Variants in CALR observed in about 807,000 individuals in gnomAD.
The protein encoded by CALR is CRP55.
A neutral mutation model predicts 51.1 loss-of-function variants in CALR; 15 were observed. The ratio of observed to expected loss-of-function variants is 0.29; its 90% confidence interval spans 0.20 to 0.45. CALR has a LOEUF of 0.45. CALR is among the 20% of genes least tolerant of loss of function. CALR has a pLI of 1.00. For missense variants in CALR, 477 were observed against 530.6 expected, an observed-to-expected ratio of 0.90 and a Z score of 0.99; for synonymous variants, 239 against 205.9, an observed-to-expected ratio of 1.16 and a Z score of -1.38.
chr19:12,943,330 C>A, intron 7 of CALR: 1 of 603,570 alleles, frequency 1.7e-6, no homozygotes, highest in Non-Finnish European at 3.0e-6. Context: ...GTGATCCGCC[C>A]ACCTTGGCCT....
chr19:12,940,747 G>A lies in CALR; in HGVS notation c.820G>A (p.Glu274Lys), dbSNP rs774414495. The part of the protein sequence containing the change: ...PVIQNPEYKG[E>K]WKPRQIDNPD... ...GGTTTCCTTCTCCCTTCTGCAGGGT[G>A]AGTGGAAGCCCCGGCAGATCGACAA... The change falls in exon 7 of 9, where the codon GAG becomes AAG. Residue 274 changes from glutamate (E) to lysine (K), a missense_variant. By Grantham distance (56) the Glu-to-Lys change is moderately conservative (BLOSUM62 1). Coordinates refer to ENST00000316448, the MANE Select transcript of CALR (RefSeq NM_004343.4). 5.6e-6 allele frequency: 9 copies of A among 1,614,050 alleles called. No homozygotes were observed. The highest frequency in any genetic ancestry group is 2.2e-5 in the South Asian group (2 of 91,084).
At position 12,940,135 on chromosome 19, in the gene CALR, C is replaced by T. The variant is rs747325472; in HGVS notation, c.480C>T (p.Asp160=). Residue 160 remains aspartate (D), a synonymous_variant, in exon 4 of 9, where the codon GAC becomes GAT. Transcript: ENST00000316448. ...YKGKNVLINK[D]IRCKDDEFTH... ...GCAAGAACGTGCTGATCAACAAGGA[C>T]ATCCGTTGCAAGGTGTGCCTGGGGG... The T allele has an allele frequency of 1.2e-6, 2 of 1,613,932 alleles. No individual in the cohort carries two copies. Among genetic ancestry groups the T allele is most frequent in the Non-Finnish European group, 1.7e-6 (2 of 1,179,774 alleles).
chr19:12,943,669 G>A (rs763664233), intron 8 of CALR, 40 bp downstream of exon 8: 1 of 1,614,156 alleles, frequency 6.2e-7, no homozygotes, highest in Non-Finnish European at 8.5e-7. Flanking sequence ...GGGCGGGCAG[G>A]GCTGGCAGGG....
In CALR at chr19:12,944,149, C is replaced by T; in HGVS notation, c.*236C>T. 3.1e-6 allele frequency: 2 copies of T among 636,460 alleles called. No individual in the cohort carries two copies. The highest frequency in any genetic ancestry group is 5.3e-6 in the Non-Finnish European group (2 of 380,902). 39.4% of individuals were successfully genotyped at this position (636,460 alleles called of 1,614,324 possible). Reference sequence around the variant, plus strand: ...TTTGATTCTCCTTCAGCCCTCACCCCTGGTTCTCATCTTTCTTGATCAACA... The same window carrying T: ...TTTGATTCTCCTTCAGCCCTCACCCTTGGTTCTCATCTTTCTTGATCAACA... On this transcript the variant is annotated 3_prime_UTR_variant, in exon 9 of 9. Coordinates refer to ENST00000316448, the MANE Select transcript of CALR (RefSeq NM_004343.4).
chr19:12,943,836 G>T lies in CALR; in HGVS notation c.1177G>T (p.Glu393Ter). The T allele has an allele frequency of 6.4e-7, 1 of 1,571,928 alleles. No individual in the cohort carries two copies. Among genetic ancestry groups the T allele is most frequent in the Non-Finnish European group, 8.6e-7 (1 of 1,159,464 alleles). ...EDKEDDEDKD[E>*]DEEDEEDKEE... Reference sequence around the variant, plus strand: ...CAAGGAGGATGATGAGGACAAAGATGAGGATGAGGAGGATGAGGAGGACAA... The same window carrying T: ...CAAGGAGGATGATGAGGACAAAGATTAGGATGAGGAGGATGAGGAGGACAA... Residue 393 changes from glutamate to a stop codon, truncating the protein, a stop_gained, in exon 9 of 9, where the codon GAG (glutamate) becomes TAG (stop). Coordinates refer to ENST00000316448, the MANE Select transcript of CALR (RefSeq NM_004343.4). LOFTEE classifies it high-confidence loss of function.
chr19:12,940,685 C>T (rs956599530), intron 6 of CALR, 31 bp downstream of exon 6: 5 of 1,613,898 alleles, frequency 3.1e-6, no homozygotes, highest in Non-Finnish European at 4.2e-6. Flanking sequence ...AGGGCTGGGG[C>T]TCACAGTGGG....
At position 12,940,903 on chromosome 19, in the gene CALR, A is replaced by G. The variant is rs375710146; in HGVS notation, c.960+16A>G. On this transcript the variant is annotated intron_variant, in intron 7 of 8. Coordinates refer to ENST00000316448, the MANE Select transcript of CALR (RefSeq NM_004343.4). ...CCTCTGGCAGGTGAGACTTGGAGGAAAAAGGAGGATCCCTGGGGTACCTCA... is the reference window on the plus strand; with the variant it reads ...CCTCTGGCAGGTGAGACTTGGAGGAGAAAGGAGGATCCCTGGGGTACCTCA... The G allele has an allele frequency of 3.1e-6, 5 of 1,613,736 alleles. No individual in the cohort carries two copies. The African/African-American group carries it at 6.7e-5, about 22-fold the overall frequency.
chr19:12,943,934 G>A lies in CALR; in HGVS notation c.*21G>A. The A allele has an allele frequency of 6.2e-7, 1 of 1,604,240 alleles. No homozygotes were observed. The highest frequency in any genetic ancestry group is 8.5e-7 in the Non-Finnish European group (1 of 1,176,728). On this transcript the variant is annotated 3_prime_UTR_variant, in exon 9 of 9. Coordinates refer to ENST00000316448, the MANE Select transcript of CALR (RefSeq NM_004343.4). ...TGTAGAGAGGCCTGCCTCCAGGGCT[G>A]GACTGAGGCCTGAGCGCTCCTGCCG...
At chr19:12,943,328 C>T in intron 7 of CALR, 1 of 600,632 alleles carries the variant, frequency 1.7e-6, no homozygotes, top group Non-Finnish European at 3.0e-6. Flanking sequence ...TCGTGATCCG[C>T]CCACCTTGGC....
At position 12,938,632 on chromosome 19, in the gene CALR, G is replaced by A. The variant is rs374628652; in HGVS notation, c.-48G>A. The stretch of plus-strand genomic sequence containing the variant: ...CCGTCCGTACTGCAGAGCCGCTGCC[G>A]GAGGGTCGTTTTAAAGGGCCCGCGC... On this transcript the variant is annotated 5_prime_UTR_variant, in exon 1 of 9. Coordinates refer to ENST00000316448, the MANE Select transcript of CALR (RefSeq NM_004343.4). 444 of 1,436,604 alleles carry A rather than the reference G, an allele frequency of 3.1e-4. 3 individuals carry two copies. The African/African-American group carries it at 5.5e-3, about 18-fold the overall frequency. 89.0% of individuals were successfully genotyped at this position (1,436,604 alleles called of 1,614,324 possible).
chr19:12,939,850 C>T lies in CALR; in HGVS notation c.398-203C>T, dbSNP rs189123133. 1.6e-4 allele frequency among the ~76,000 whole-genome samples: 25 copies of T among 151,670 alleles called. No homozygotes were observed. In the East Asian group the frequency reaches 4.6e-3, roughly 28 times the overall value. On this transcript the variant is annotated intron_variant, in intron 3 of 8. Transcript: ENST00000316448. The stretch of plus-strand genomic sequence containing the variant: ...ATCTTACTAATGAGGATTTTGAGTT[C>T]TAGAGCACTGATTTTTTTTTTTTCT...
chr19:12,943,520 T>A lies in CALR; in HGVS notation c.961-17T>A. ...ATCGGGTATCACCTCTGACCATCCT[T>A]CCCATTCATCCTCCAGGTCAAGTCT... On this transcript the variant is annotated splice_polypyrimidine_tract_variant and intron_variant, in intron 7 of 8. Transcript: ENST00000316448. The A allele has an allele frequency of 1.2e-6, 2 of 1,611,366 alleles. No homozygotes were observed. Among genetic ancestry groups the A allele is most frequent in the Non-Finnish European group, 1.7e-6 (2 of 1,177,548 alleles).
At chr19:12,939,001 A>G in intron 1 of CALR, 133 bp from the exon 2 acceptor site, 4 of 728,674 alleles carry the variant, frequency 5.5e-6, no homozygotes, top group Non-Finnish European at 9.9e-6. Flanking sequence ...CGACGTGTCA[A>G]ACTAGAGGTT....
In CALR at chr19:12,940,529, T is replaced by C. The variant is rs940767179; in HGVS notation, c.703-12T>C. ...ATCTGGGCCAACTCTGATCTCTTCA[T>C]CTACCCCCCAGGACTGGGACAAGCC... On this transcript the variant is annotated splice_polypyrimidine_tract_variant and intron_variant, in intron 5 of 8. Transcript: ENST00000316448. 1 of 1,613,732 alleles carries C rather than the reference T, an allele frequency of 6.2e-7. No homozygotes were observed. The highest frequency in any genetic ancestry group is 8.5e-7 in the Non-Finnish European group (1 of 1,179,728).
At position 12,938,660 on chromosome 19, in the gene CALR, T is replaced by C. The variant is rs1328680505; in HGVS notation, c.-20T>C. On this transcript the variant is annotated 5_prime_UTR_variant, in exon 1 of 9. Coordinates refer to ENST00000316448, the MANE Select transcript of CALR (RefSeq NM_004343.4). ...GGGTCGTTTTAAAGGGCCCGCGCGT[T>C]GCCGCCCCCTCGGCCCGCCATGCTG... The C allele has an allele frequency of 3.1e-6, 5 of 1,595,954 alleles. No homozygotes were observed. Among genetic ancestry groups the C allele is most frequent in the Non-Finnish European group, 2.6e-6 (3 of 1,170,166 alleles).
intron 7 of CALR, chr19:12,943,073 CCATCTTTT>C (rs1971570344): frequency 5.4e-6 from 1 of 185,248 alleles, no homozygotes; most frequent in Non-Finnish European, 1.1e-5. Context: ...CTCCATCTTT[CCATCTTTT>C]TTTTTTTTTT....
chr19:12,943,040 G>A (rs1568449428), intron 7 of CALR, among the ~76,000 whole-genome samples: 1 of 146,714 alleles, frequency 6.8e-6, no homozygotes, highest in South Asian at 2.2e-4. Flanking sequence ...ACAGGCATGA[G>A]CCCGTCCCGT....
Position 12,944,089 on chromosome 19 carries a change from CTTTTTTTT to C in CALR, c.*187_*194del. The C allele has an allele frequency of 1.5e-6, 1 of 651,940 alleles. No homozygotes were observed. Among genetic ancestry groups the C allele is most frequent in the Non-Finnish European group, 2.4e-6 (1 of 422,206 alleles). 40.4% of individuals were successfully genotyped at this position (651,940 alleles called of 1,614,324 possible). ...CACTCTCCCCCACCCCCTCCCCGCC[CTTTTTTTT>C]TTTTTTTTTTAAACTGGTATTTTAT... On this transcript the variant is annotated 3_prime_UTR_variant, in exon 9 of 9. Transcript: ENST00000316448.
chr19:12,941,091 A>G (rs1971540623), intron 7 of CALR, among the ~76,000 whole-genome samples: 1 of 152,150 alleles, frequency 6.6e-6, no homozygotes, highest in Non-Finnish European at 1.5e-5. Context: ...GTACTTCCCC[A>G]AGTACTTTTA....
Sources: gnomAD v4.1 joint callset for allele counts (sites outside exome capture counted in the v4.1 genomes callset) on GRCh38, gnomAD v4.1.1 for gene constraint, MANE v1.5 for transcripts, NCBI Gene and HGNC (gene_info 2026-07-23, HGNC 2026-07-21) for gene names.